LZIC: variants seen among roughly 807,000 people sequenced by gnomAD.
LZIC encodes protein LZIC.
Under a neutral mutation model 25.4 loss-of-function variants are expected in LZIC, and 28 were observed. The ratio of observed to expected loss-of-function variants is 1.10; its 90% CI spans 0.82 to 1.51. The LOEUF is 1.51. Among genes scored for constraint, LZIC ranks in the 40% most tolerant of loss-of-function variants. The probability of loss-of-function intolerance (pLI) is 0.00; values close to 1 mark genes in which losing one functional copy is unlikely to be tolerated. For synonymous variants in LZIC, 65 were observed against 70.7 expected (o/e 0.92, Z 0.40); for missense variants, 170 against 211.1 (o/e 0.81, Z 1.21).
chr1:9,933,315 G>A (rs1438971189), intron 5 of LZIC, among the ~76,000 whole-genome samples: 4 of 120,788 alleles, frequency 3.3e-5, no homozygotes, highest in South Asian at 2.7e-4. Context: ...CATACATATA[G>A]CTTTTCAGAC....
Position 9,929,663 on chromosome 1 carries a change from C to G in LZIC, c.*736G>C. ...TCCCATTGTTCCAACCTCAAAATTC[C>G]GAGATACAACGGGCCCCATTAATAC... is the stretch of plus-strand genomic sequence containing the variant. On this transcript the variant is annotated 3_prime_UTR_variant, in exon 8 of 8. Coordinates refer to ENST00000377223, the MANE Select transcript of LZIC (RefSeq NM_032368.5). 1.0e-6 allele frequency: 1 copy of G among 985,374 alleles called. No individual in the cohort carries two copies. The highest frequency in any genetic ancestry group is 1.2e-6 in the Non-Finnish European group (1 of 829,918). 61.0% of individuals were successfully genotyped at this position (985,374 alleles called of 1,614,324 possible). A position where few individuals can be genotyped will look rare whatever the true frequency, so the allele number is the denominator to read the frequency against.
In LZIC at chr1:9,942,695, G is replaced by A; in HGVS notation, c.-80C>T. On this transcript the variant is annotated 5_prime_UTR_variant, in exon 2 of 8. The change creates a new upstream start codon in the 5' untranslated region. Transcript: ENST00000377223. ...ATTGCACAAACCTCCAGTTCTTGACGTTCCGAGTGTCATAAACTTGAGGAA... is the reference window on the plus strand; with the variant it reads ...ATTGCACAAACCTCCAGTTCTTGACATTCCGAGTGTCATAAACTTGAGGAA... 7.8e-7 allele frequency: 1 copy of A among 1,289,230 alleles called. No homozygotes were observed. The highest frequency in any genetic ancestry group is 1.0e-6 in the Non-Finnish European group (1 of 988,724). The allele number at this position is 1,289,230 out of a possible 1,614,324, so 79.9% of individuals were successfully genotyped here.
chr1:9,934,242 A>C (rs1246866840), intron 5 of LZIC, among the ~76,000 whole-genome samples: 2 of 151,662 alleles, frequency 1.3e-5, no homozygotes, highest in South Asian at 2.1e-4. Flanking sequence ...AAAAAAAAAA[A>C]CATAAAAAAC....
downstream of LZIC, among the ~76,000 whole-genome samples, chr1:9,924,499 C>T (rs1230529923): frequency 2.6e-5 from 4 of 151,628 alleles, no homozygotes; most frequent in Non-Finnish European, 4.4e-5. Flanking sequence ...GGACTACAGG[C>T]GCATGCCACC....
At position 9,931,902 on chromosome 1, in the gene LZIC, G is replaced by T. The variant is rs1305566212; in HGVS notation, c.503C>A (p.Ser168Tyr). ...ATGAGGGCACTCACCAAGGTCTGTA[G>T]AGACTTTCTCAAACTGGCTGAGTAT... is the stretch of plus-strand genomic sequence containing the variant. Reference protein sequence around the residue: ...GAILSQFEKVSTDLGSGDKIL... With the variant: ...GAILSQFEKVYTDLGSGDKIL... Residue 168 changes from serine (S) to tyrosine (Y), a missense_variant, in exon 7 of 8, where the codon TCT (serine) becomes TAT (tyrosine). Physicochemically the swap from Ser to Tyr is moderately radical, Grantham distance 144. Coordinates refer to ENST00000377223, the MANE Select transcript of LZIC (RefSeq NM_032368.5). The T allele has an allele frequency of 6.2e-7, 1 of 1,612,976 alleles. No homozygotes were observed. The highest frequency in any genetic ancestry group is 1.3e-5 in the African/African-American group (1 of 74,894).
chr1:9,937,220 C>T (rs1387710507), intron 2 of LZIC, among the ~76,000 whole-genome samples: 2 of 152,030 alleles, frequency 1.3e-5, no homozygotes, highest in Admixed American at 6.6e-5. Context: ...GGTGAAACCC[C>T]GTCTCTCCTA....
chr1:9,922,397 G>A, downstream of LZIC: 1 of 804,636 alleles, frequency 1.2e-6, no homozygotes, highest in Non-Finnish European at 1.5e-6. Context: ...CTGACTTCAA[G>A]TGGAGGCAAT....
chr1:9,941,688 C>T (rs903502536), intron 2 of LZIC, among the ~76,000 whole-genome samples: 19 of 150,622 alleles, frequency 1.3e-4, no homozygotes, highest in African/African-American at 3.2e-4. Flanking sequence ...TTAGGAGAGA[C>T]GGGTTTCACC....
intron 7 of LZIC, among the ~76,000 whole-genome samples, chr1:9,930,762 C>T (rs1640177449): frequency 6.6e-6 from 1 of 152,042 alleles, no homozygotes; most frequent in East Asian, 1.9e-4. Context: ...TCTTGTCGCC[C>T]AGGCTGGAGT....
In LZIC at chr1:9,942,028, T is replaced by C. The variant is rs1245033444; in HGVS notation, c.-9+596A>G. Among the ~76,000 whole-genome samples the C allele has an allele frequency of 9.2e-5, 14 of 152,302 alleles. No individual in the cohort carries two copies. The East Asian group carries it at 2.1e-3, about 23-fold the overall frequency. ...GCCTCCTGGGTTCAAGCAATTCTCC[T>C]GCCTCAGCCTCTCCAGTAGCTGGGA... is the stretch of plus-strand genomic sequence containing the variant. On this transcript the variant is annotated intron_variant, in intron 2 of 7. Transcript: ENST00000377223.
rs572411160 is a variant in LZIC, at chr1:9,928,642, C to T, written c.*1757G>A. ...CTATAATCCCAGCACTTTGGGAGGC[C>T]GAGGCAGTTGGATCACCTGAGGTCA... On this transcript the variant is annotated 3_prime_UTR_variant, in exon 8 of 8. Coordinates refer to ENST00000377223, the MANE Select transcript of LZIC (RefSeq NM_032368.5). Among the ~76,000 whole-genome samples, 3 of 151,844 alleles carry T rather than the reference C, an allele frequency of 2.0e-5. No homozygotes were observed. Among genetic ancestry groups the T allele is most frequent in the Non-Finnish European group, 2.9e-5 (2 of 67,962 alleles).
At chr1:9,932,752 A>G in intron 6 of LZIC, 51 bp downstream of exon 6, 1 of 1,037,670 alleles carries the variant, frequency 9.6e-7, no homozygotes, top group South Asian at 1.3e-5. Flanking sequence ...GATGTTCTGT[A>G]CCAAATAATT....
chr1:9,943,131 C>G (rs1460229242), intron 1 of LZIC, 118 bp downstream of exon 1: 1 of 176,046 alleles, frequency 5.7e-6, no homozygotes, highest in South Asian at 1.1e-4. Flanking sequence ...AAATCCCACC[C>G]CACGCGGGAA....
At chr1:9,940,889 T>C (rs1018754476) in intron 2 of LZIC, among the ~76,000 whole-genome samples, 3 of 152,212 alleles carry the variant, frequency 2.0e-5, no homozygotes, top group Admixed American at 2.0e-4. Flanking sequence ...TCCATTTTAA[T>C]TTTTCTCTTA....
chr1:9,932,545 T>G (rs1640268850), intron 6 of LZIC, among the ~76,000 whole-genome samples: 1 of 150,706 alleles, frequency 6.6e-6, no homozygotes, highest in Non-Finnish European at 1.5e-5. Flanking sequence ...TAGCCAGGCG[T>G]AGTGGTGGGC....
chr1:9,922,717 AGAG>A (rs1199500724), downstream of LZIC, among the ~76,000 whole-genome samples: 1 of 152,234 alleles, frequency 6.6e-6, no homozygotes, highest in African/African-American at 2.4e-5. Context: ...GCAGGCTCAC[AGAG>A]GAGGATGCAG....
chr1:9,938,684 T>C lies in LZIC; in HGVS notation c.-8-2057A>G, dbSNP rs900734341. 7.9e-5 allele frequency among the ~76,000 whole-genome samples: 12 copies of C among 152,318 alleles called. No individual in the cohort carries two copies. In the East Asian group the frequency reaches 2.3e-3, roughly 29 times the overall value. On this transcript the variant is annotated intron_variant, in intron 2 of 7. Coordinates refer to ENST00000377223, the MANE Select transcript of LZIC (RefSeq NM_032368.5). ...AAGCCTTTGTAATTGCAAATATTAT[T>C]TCGTCTCCTGACTAAATTTTATGTT...
At position 9,930,330 on chromosome 1, in the gene LZIC, T is replaced by C; in HGVS notation, c.*69A>G. 1 of 1,579,044 alleles carries C rather than the reference T, an allele frequency of 6.3e-7. No homozygotes were observed. Among genetic ancestry groups the C allele is most frequent in the Non-Finnish European group, 8.6e-7 (1 of 1,165,616 alleles). ...AATCTCTTCATTTCTTTGCAATAACTGAAAACCCCAGAAGAAAGACACCAT... is the reference window on the plus strand; with the variant it reads ...AATCTCTTCATTTCTTTGCAATAACCGAAAACCCCAGAAGAAAGACACCAT... On this transcript the variant is annotated 3_prime_UTR_variant, in exon 8 of 8. Transcript: ENST00000377223.
At chr1:9,936,240 C>T (rs984954257) in intron 3 of LZIC, among the ~76,000 whole-genome samples, 1 of 151,978 alleles carries the variant, frequency 6.6e-6, no homozygotes, top group Non-Finnish European at 1.5e-5. Flanking sequence ...GCAGGTAGGA[C>T]TGATTTAAAT....
Sources: allele counts gnomAD v4.1 joint callset (sites outside exome capture counted in the v4.1 genomes callset), GRCh38; gene constraint gnomAD v4.1.1; transcripts MANE v1.5; gene names NCBI Gene and HGNC (gene_info 2026-07-23, HGNC 2026-07-21).